The following DCC variants were observed in gnomAD, a reference collection of about 807,000 sequenced individuals.
The protein encoded by DCC is DCC netrin 1 receptor.
Under a neutral mutation model 172.5 loss-of-function variants are expected in DCC, and 58 were observed. The ratio of observed to expected loss-of-function variants is 0.34; its 90% CI spans 0.27 to 0.42. The LOEUF (loss-of-function observed/expected upper bound fraction) is 0.42. DCC is among the 10% of genes least tolerant of loss of function. The probability of loss-of-function intolerance (pLI) is 1.00; values close to 1 mark genes in which losing one functional copy is unlikely to be tolerated. For synonymous variants in DCC, 709 were observed against 644.5 expected, an observed-to-expected ratio of 1.10 and a Z score of -1.52; for missense variants, 1,740 against 1,791.0, an observed-to-expected ratio of 0.97 and a Z score of 0.51.
intron 1 of DCC, among the ~76,000 whole-genome samples, chr18:52,699,121 A>G (rs2036062619): frequency 6.6e-6 from 1 of 152,224 alleles, no homozygotes; most frequent in Non-Finnish European, 1.5e-5. Flanking sequence ...TCACAGAATT[A>G]CAACAAGGTA....
intron 1 of DCC, among the ~76,000 whole-genome samples, chr18:52,673,267 T>C (rs1033070687): frequency 6.6e-6 from 1 of 152,218 alleles, no homozygotes; most frequent in African/African-American, 2.4e-5. Context: ...GTCCACTTTC[T>C]GCTTCAAATT....
chr18:53,048,215 C>G (rs1014603431), intron 5 of DCC, among the ~76,000 whole-genome samples: 1 of 151,676 alleles, frequency 6.6e-6, no homozygotes, highest in Non-Finnish European at 1.5e-5. Flanking sequence ...TATTTCATCA[C>G]CCAGGTTATA....
intron 1 of DCC, among the ~76,000 whole-genome samples, chr18:52,361,476 G>T (rs1235521155): frequency 1.3e-5 from 2 of 152,182 alleles, no homozygotes; most frequent in East Asian, 3.9e-4. Flanking sequence ...AGACATGATT[G>T]AGATGAGAAT....
At chr18:53,317,406 A>G (rs558035070) in intron 13 of DCC, among the ~76,000 whole-genome samples, 1 of 152,304 alleles carries the variant, frequency 6.6e-6, no homozygotes, top group East Asian at 1.9e-4. Flanking sequence ...GGATTTTCAC[A>G]TTGATGTTCA....
At chr18:52,760,251 G>C (rs1409064821) in intron 2 of DCC, among the ~76,000 whole-genome samples, 3 of 152,160 alleles carry the variant, frequency 2.0e-5, no homozygotes, top group African/African-American at 7.2e-5. Flanking sequence ...TGAAGTGGGG[G>C]AAAGCCACTC....
intron 1 of DCC, among the ~76,000 whole-genome samples, chr18:52,411,602 A>G (rs1986844961): frequency 6.6e-6 from 1 of 152,140 alleles, no homozygotes; most frequent in Non-Finnish European, 1.5e-5. Flanking sequence ...ATAAGTAACT[A>G]CTAGGAACTT....
intron 1 of DCC, among the ~76,000 whole-genome samples, chr18:52,417,013 G>T (rs377223776): frequency 3.9e-5 from 6 of 152,274 alleles, no homozygotes; most frequent in African/African-American, 1.4e-4. Flanking sequence ...GCTGGTACCG[G>T]TTGTTCCTCT....
At chr18:52,429,752 C>T (rs924369345) in intron 1 of DCC, among the ~76,000 whole-genome samples, 7 of 152,058 alleles carry the variant, frequency 4.6e-5, no homozygotes, top group African/African-American at 1.7e-4. Flanking sequence ...AATTTCTATC[C>T]AACTCAAAGA....
At chr18:52,377,717 T>G (rs995339938) in intron 1 of DCC, among the ~76,000 whole-genome samples, 12 of 146,550 alleles carry the variant, frequency 8.2e-5, no homozygotes, top group Non-Finnish European at 1.4e-4. Context: ...TTTTTTTTCT[T>G]GAGACAGAGT....
chr18:53,239,202 A>T (rs1188592024), intron 12 of DCC, among the ~76,000 whole-genome samples: 2 of 139,598 alleles, frequency 1.4e-5, no homozygotes, highest in East Asian at 3.9e-4. Flanking sequence ...ATAATAATAA[A>T]AATAAATAAA....
At chr18:53,208,682 TCA>T (rs1432345134) in intron 11 of DCC, among the ~76,000 whole-genome samples, 1 of 152,144 alleles carries the variant, frequency 6.6e-6, no homozygotes, top group Non-Finnish European at 1.5e-5. Flanking sequence ...GTGCAGTGAC[TCA>T]ATTGTGCTTC....
rs113042065 is a variant in DCC, at chr18:53,267,832, AC to A, written c.1912-37745del. Among the ~76,000 whole-genome samples, 74 of 152,310 alleles carry A rather than the reference AC, an allele frequency of 4.9e-4. 1 individual carries two copies. Among genetic ancestry groups the A allele is most frequent in the African/African-American group, 1.3e-3 (56 of 41,570 alleles). On this transcript the variant is annotated intron_variant, in intron 12 of 28. Coordinates refer to ENST00000442544, the MANE Select transcript of DCC (RefSeq NM_005215.4). ...GTTTGGGACTTGTCAAGTTGAGTAG[AC>A]ATAAATACTTTTAGGTTTGTGAATA...
chr18:53,334,294 T>A (rs552268313), intron 14 of DCC, among the ~76,000 whole-genome samples: 2 of 152,136 alleles, frequency 1.3e-5, no homozygotes, highest in African/African-American at 2.4e-5. Flanking sequence ...ATTTAAGATC[T>A]TCTCCTTCTA....
chr18:52,444,811 G>A (rs992481507), intron 1 of DCC, among the ~76,000 whole-genome samples: 12 of 152,130 alleles, frequency 7.9e-5, no homozygotes, highest in African/African-American at 2.9e-4. Flanking sequence ...AGTGACCAGA[G>A]AGAGAGAGCG....
chr18:52,762,462 G>C (rs925838083), intron 2 of DCC, among the ~76,000 whole-genome samples: 1 of 140,972 alleles, frequency 7.1e-6, no homozygotes, highest in African/African-American at 2.7e-5. Flanking sequence ...GACAGAGTGA[G>C]ACCTTATCTC....
At chr18:53,308,811 G>C (rs904784749) in intron 13 of DCC, among the ~76,000 whole-genome samples, 4 of 152,180 alleles carry the variant, frequency 2.6e-5, no homozygotes, top group Non-Finnish European at 4.4e-5. Flanking sequence ...TAACTTGAAA[G>C]AATAGACATT....
intron 1 of DCC, among the ~76,000 whole-genome samples, chr18:52,575,744 A>G (rs2033394000): frequency 6.6e-6 from 1 of 152,190 alleles, no homozygotes; most frequent in Non-Finnish European, 1.5e-5. Flanking sequence ...GCTCCATAAA[A>G]TAGAAATTTC....
chr18:53,522,467 C>T (rs1446356174), intron 27 of DCC, among the ~76,000 whole-genome samples: 1 of 152,070 alleles, frequency 6.6e-6, no homozygotes, highest in Non-Finnish European at 1.5e-5. Context: ...CCAAGACAGT[C>T]CTAAGCAAAA....
chr18:53,339,878 A>G lies in DCC; in HGVS notation c.2330A>G (p.Lys777Arg). The G allele has an allele frequency of 6.2e-7, 1 of 1,613,818 alleles. No individual in the cohort carries two copies. The highest frequency in any genetic ancestry group is 2.2e-5 in the East Asian group (1 of 44,864). The stretch of plus-strand genomic sequence containing the variant: ...GCTGAGACAGTGCGTGTGGACAGCA[A>G]GCAGCGATATTATTCCATTGAGAGG... ...PYAETVRVDS[K>R]QRYYSIERLE... Residue 777 changes from lysine to arginine, a missense_variant, in exon 15 of 29, where the codon AAG (lysine) becomes AGG (arginine). By Grantham distance (26) the Lys-to-Arg change is conservative. Transcript: ENST00000442544.
Sources: allele counts gnomAD v4.1 joint callset (sites outside exome capture counted in the v4.1 genomes callset), GRCh38; gene constraint gnomAD v4.1.1; transcripts MANE v1.5; gene names NCBI Gene and HGNC (gene_info 2026-07-23, HGNC 2026-07-21).